The following JMJD1C variants were observed in gnomAD, a reference collection of about 807,000 sequenced individuals.
JMJD1C encodes the protein jumonji domain containing 1C.
JMJD1C carries 31 observed loss-of-function variants against 245.3 expected under a neutral mutation model. The observed-to-expected ratio is 0.13, with a 90% confidence interval of 0.09 to 0.17. JMJD1C has a LOEUF of 0.17. Ranked by LOEUF, JMJD1C falls within the 10% of genes least tolerant of loss-of-function variation. JMJD1C has a pLI of 1.00. For missense variants in JMJD1C, 2,691 were observed against 3,000.2 expected (o/e 0.90, Z 2.41); for synonymous variants, 1,057 against 1,017.4 (o/e 1.04, Z -0.74).
intron 1 of JMJD1C, among the ~76,000 whole-genome samples, chr10:63,413,470 A>T (rs1949609915): frequency 6.6e-6 from 1 of 152,174 alleles, no homozygotes; most frequent in African/African-American, 2.4e-5. Flanking sequence ...TAGAGACATA[A>T]TCTCATATTG....
intron 2 of JMJD1C, among the ~76,000 whole-genome samples, chr10:63,298,826 G>A (rs531138362): frequency 9.2e-4 from 140 of 152,090 alleles, no homozygotes; most frequent in African/African-American, 2.8e-3. Context: ...TCCACCTCCC[G>A]GGTTCAAGCG....
At chr10:63,373,003 T>G (rs1946430957) in intron 2 of JMJD1C, 1 of 252,036 alleles carries the variant, frequency 4.0e-6, no homozygotes, top group Admixed American at 3.3e-5. Flanking sequence ...CACAGAAGGT[T>G]TTCCTAAAGG....
intron 3 of JMJD1C, among the ~76,000 whole-genome samples, chr10:63,226,533 C>T (rs569904837): frequency 4.0e-5 from 6 of 149,952 alleles, no homozygotes; most frequent in South Asian, 4.3e-4. Context: ...AGCAACATGG[C>T]GAGATGCCAT....
intron 1 of JMJD1C, among the ~76,000 whole-genome samples, chr10:63,512,664 A>G (rs1389557291): frequency 6.6e-6 from 1 of 152,158 alleles, no homozygotes; most frequent in Non-Finnish European, 1.5e-5. Flanking sequence ...GGTGTGGCTA[A>G]GTGTAGATTT....
intron 2 of JMJD1C, among the ~76,000 whole-genome samples, chr10:63,269,827 T>C (rs956422351): frequency 2.6e-5 from 4 of 152,326 alleles, no homozygotes; most frequent in African/African-American, 9.6e-5. Context: ...AGATGTGTTA[T>C]ATAATATAGT....
At chr10:63,237,706 C>T (rs192787055) in intron 3 of JMJD1C, among the ~76,000 whole-genome samples, 29 of 152,210 alleles carry the variant, frequency 1.9e-4, no homozygotes, top group South Asian at 8.3e-4. Flanking sequence ...AATTCTGTAA[C>T]ATTTGCATTA....
At chr10:63,220,293 T>C (rs1848449012) in intron 3 of JMJD1C, among the ~76,000 whole-genome samples, 1 of 152,192 alleles carries the variant, frequency 6.6e-6, no homozygotes. Context: ...TTGGAAGCAA[T>C]ATACAAATGA....
intron 1 of JMJD1C, among the ~76,000 whole-genome samples, chr10:63,494,451 C>T (rs1287348599): frequency 6.6e-6 from 1 of 151,924 alleles, no homozygotes; most frequent in Non-Finnish European, 1.5e-5. Flanking sequence ...TATTAGAAAG[C>T]AAAGATATTT....
chr10:63,423,314 A>T (rs1950241907), intron 1 of JMJD1C, among the ~76,000 whole-genome samples: 1 of 152,038 alleles, frequency 6.6e-6, no homozygotes, highest in Non-Finnish European at 1.5e-5. Context: ...ATTAAGCAAT[A>T]ACTCCTCATT....
intron 1 of JMJD1C, among the ~76,000 whole-genome samples, chr10:63,384,368 A>C (rs1399556016): frequency 6.6e-6 from 1 of 152,198 alleles, no homozygotes; most frequent in Non-Finnish European, 1.5e-5. Context: ...AGGAATCACT[A>C]TCTCTGGCAG....
chr10:63,521,465 C>G, intron 1 of JMJD1C: 1 of 953,790 alleles, frequency 1.0e-6, no homozygotes. Flanking sequence ...GCCGGCGAAG[C>G]GCGCGGCCTG....
rs139734770 is a variant in JMJD1C at position 63,208,734 on chromosome 10, G to A, written c.2935C>T (p.Leu979=). ...CCAGTCTGTGACCTATTTAGATCCA[G>A]GTCATTTTTGGCTGATGTGGATGCA... is the stretch of plus-strand genomic sequence containing the variant. ...SVASTSAKND[L]DLNRSQTGKD... The change falls in exon 10 of 26, where the codon CTG becomes TTG. Residue 979 remains leucine, a synonymous_variant. Transcript: ENST00000399262. 4.3e-6 allele frequency: 7 copies of A among 1,613,602 alleles called. No homozygotes were observed. In the African/African-American group the frequency reaches 9.3e-5, roughly 22 times the overall value.
At chr10:63,427,999 C>G (rs1950540353) in intron 1 of JMJD1C, 3 of 682,974 alleles carry the variant, frequency 4.4e-6, no homozygotes, top group Non-Finnish European at 8.2e-6. Flanking sequence ...GCTTAGCCCC[C>G]TCTGTGCTGT....
chr10:63,251,837 C>A (rs57302028), intron 3 of JMJD1C, among the ~76,000 whole-genome samples: 3,411 of 152,226 alleles, frequency 0.022, 121 homozygotes, highest in African/African-American at 0.076. Flanking sequence ...CATGGTAAAA[C>A]CCCGCCTCTA....
intron 2 of JMJD1C, among the ~76,000 whole-genome samples, chr10:63,326,840 T>C (rs769280958): frequency 2.0e-5 from 3 of 151,850 alleles, no homozygotes; most frequent in East Asian, 1.9e-4. Flanking sequence ...GATCGTGCCA[T>C]TGCACTCCAG....
intron 2 of JMJD1C, among the ~76,000 whole-genome samples, chr10:63,337,325 C>T (rs560594820): frequency 1.5e-4 from 23 of 150,430 alleles, no homozygotes; most frequent in East Asian, 6.0e-4. Flanking sequence ...GCCTGTAGTA[C>T]CAGCTACTCG....
chr10:63,231,368 C>G (rs1057352097), intron 3 of JMJD1C, among the ~76,000 whole-genome samples: 4 of 152,162 alleles, frequency 2.6e-5, no homozygotes, highest in Non-Finnish European at 5.9e-5. Flanking sequence ...CTGCAATTAG[C>G]CTGGTGGCCT....
intron 1 of JMJD1C, among the ~76,000 whole-genome samples, chr10:63,436,766 A>C (rs986267466): frequency 1.3e-5 from 2 of 152,098 alleles, no homozygotes; most frequent in East Asian, 3.9e-4. Context: ...AGGATCTTTA[A>C]CTTTACTCAG....
intron 2 of JMJD1C, among the ~76,000 whole-genome samples, chr10:63,359,965 C>T (rs911969307): frequency 4.6e-5 from 7 of 151,892 alleles, no homozygotes; most frequent in Non-Finnish European, 8.8e-5. Flanking sequence ...GTATGGAAGA[C>T]CTTATCTTTT....
Sources: gnomAD v4.1 joint callset for allele counts (sites outside exome capture counted in the v4.1 genomes callset) on GRCh38, gnomAD v4.1.1 for gene constraint, MANE v1.5 for transcripts, NCBI Gene and HGNC (gene_info 2026-07-23, HGNC 2026-07-21) for gene names.